SERPINA3: variants seen among roughly 807,000 people sequenced by gnomAD.
The protein encoded by SERPINA3 is alpha-1-antichymotrypsin.
A neutral mutation model predicts 26.8 loss-of-function variants in SERPINA3; 32 were observed. That is an observed-to-expected ratio of 1.20 (90% CI 0.90 to 1.61). SERPINA3 has a LOEUF of 1.61. Ranked by LOEUF, SERPINA3 falls within the 40% of genes most tolerant of loss-of-function variation. The pLI, the probability that SERPINA3 is intolerant of heterozygous loss-of-function variation, is 0.00. For missense variants in SERPINA3, 632 were observed against 517.9 expected (o/e 1.22, Z -2.14); for synonymous variants, 252 against 206.4 (o/e 1.22, Z -1.89).
chr14:94,622,983 G>T (rs1886262153), intron 4 of SERPINA3, among the ~76,000 whole-genome samples: 1 of 152,212 alleles, frequency 6.6e-6, no homozygotes, highest in Non-Finnish European at 1.5e-5. Flanking sequence ...GCCAAGGCAG[G>T]GTGGCCATGC....
rs770816070 is a variant in SERPINA3 at position 94,614,610 on chromosome 14, G to T, written c.169G>T (p.Ala57Ser). 2.5e-6 allele frequency: 4 copies of T among 1,614,094 alleles called. No individual in the cohort carries two copies. The highest frequency in any genetic ancestry group is 2.5e-6 in the Non-Finnish European group (3 of 1,180,024). Residue 57 changes from alanine (A) to serine (S), a missense_variant, in exon 2 of 5, where the codon GCT (alanine) becomes TCT (serine). Coordinates refer to ENST00000393078, the MANE Select transcript of SERPINA3 (RefSeq NM_001085.5). ...LGLASANVDFAFSLYKQLVLK... is the reference protein window; with the variant it reads ...LGLASANVDFSFSLYKQLVLK... Reference sequence around the variant, plus strand: ...ATTAGCCTCCGCCAACGTGGACTTCGCTTTCAGCCTGTACAAGCAGTTAGT... The same window carrying T: ...ATTAGCCTCCGCCAACGTGGACTTCTCTTTCAGCCTGTACAAGCAGTTAGT...
At chr14:94,623,516 T>A in intron 4 of SERPINA3, 95 bp from the exon 5 acceptor site, 1 of 1,126,348 alleles carries the variant, frequency 8.9e-7, no homozygotes, top group Non-Finnish European at 1.3e-6. Flanking sequence ...CACTAGGTGC[T>A]CAATGCACAT....
intron 2 of SERPINA3, among the ~76,000 whole-genome samples, chr14:94,616,351 C>T (rs1885997701): frequency 6.6e-6 from 1 of 152,170 alleles, no homozygotes; most frequent in African/African-American, 2.4e-5. Context: ...GGGCCCCTCC[C>T]CTTCCTCTGT....
Position 94,614,681 on chromosome 14 carries a change from C to T in SERPINA3, c.240C>T (p.Ile80=). 1 of 1,614,152 alleles carries T rather than the reference C, an allele frequency of 6.2e-7. No individual in the cohort carries two copies. The highest frequency in any genetic ancestry group is 8.5e-7 in the Non-Finnish European group (1 of 1,180,020). ...DKNVIFSPLS[I]STALAFLSLG... ...ATGTCATCTTCTCCCCACTGAGCAT[C>T]TCCACCGCCTTGGCCTTCCTGTCTC... The change falls in exon 2 of 5, where the codon ATC becomes ATT. Residue 80 remains isoleucine (I), a synonymous_variant. Coordinates refer to ENST00000393078, the MANE Select transcript of SERPINA3 (RefSeq NM_001085.5).
intron 1 of SERPINA3, 194 bp from the exon 2 acceptor site, chr14:94,614,240 G>C (rs1595093837): frequency 3.3e-6 from 2 of 611,084 alleles, no homozygotes; most frequent in East Asian, 5.5e-5. Context: ...AACAATTATG[G>C]TACCTACCTC....
chr14:94,613,117 G>A (rs769499362), intron 1 of SERPINA3, among the ~76,000 whole-genome samples: 35 of 152,278 alleles, frequency 2.3e-4, no homozygotes, highest in Non-Finnish European at 4.7e-4. Flanking sequence ...CAAACAAGGT[G>A]CCTCTGTCCC....
Position 94,614,670 on chromosome 14 carries a change from C to T in SERPINA3, c.229C>T (p.Pro77Ser). 1 of 1,614,094 alleles carries T rather than the reference C, an allele frequency of 6.2e-7. No individual in the cohort carries two copies. Among genetic ancestry groups the T allele is most frequent in the Non-Finnish European group, 8.5e-7 (1 of 1,180,016 alleles). The change falls in exon 2 of 5, where the codon CCA (proline) becomes TCA (serine). Residue 77 changes from proline (P) to serine (S), a missense_variant. Pro to Ser is a moderately conservative substitution (Grantham distance 74). Coordinates refer to ENST00000393078, the MANE Select transcript of SERPINA3 (RefSeq NM_001085.5). The part of the protein sequence containing the change: ...KAPDKNVIFS[P>S]LSISTALAFL... ...CCCTGATAAGAATGTCATCTTCTCC[C>T]CACTGAGCATCTCCACCGCCTTGGC...
intron 2 of SERPINA3, among the ~76,000 whole-genome samples, chr14:94,616,387 C>G (rs1414389697): frequency 6.6e-6 from 1 of 152,216 alleles, no homozygotes; most frequent in Non-Finnish European, 1.5e-5. Context: ...CTCCAGGTGC[C>G]AGTTTTGCTC....
intron 1 of SERPINA3, chr14:94,613,234 C>T (rs1000683967): frequency 2.7e-5 from 4 of 150,708 alleles, no homozygotes; most frequent in African/African-American, 7.3e-5. Context: ...ACTCTCTCTT[C>T]CCCTTTTCTT....
intron 4 of SERPINA3, 36 bp from the exon 5 acceptor site, chr14:94,623,573 CTG>C (rs1452014829): frequency 4.4e-6 from 7 of 1,598,124 alleles, no homozygotes; most frequent in Non-Finnish European, 6.0e-6. Context: ...TCCTGCGCAT[CTG>C]TGTTTCCCGT....
rs756769774 is a variant in SERPINA3, at chr14:94,622,477, C to A, written c.1054C>A (p.Leu352Ile). Residue 352 changes from leucine (L) to isoleucine (I), a missense_variant, in exon 4 of 5, where the codon CTA becomes ATA. Coordinates refer to ENST00000393078, the MANE Select transcript of SERPINA3 (RefSeq NM_001085.5). ...DLSGITGARN[L>I]AVSQVVHKAV... is the part of the protein sequence containing the mutation. ...GTCAGGGATCACAGGGGCCAGGAAC[C>A]TAGCAGTCTCCCAGGTGAGTCTTTA... 3 of 1,614,126 alleles carry A rather than the reference C, an allele frequency of 1.9e-6. No homozygotes were observed. The highest frequency in any genetic ancestry group is 2.2e-5 in the East Asian group (1 of 44,870).
At chr14:94,621,423 T>C (rs911870280) in intron 3 of SERPINA3, among the ~76,000 whole-genome samples, 11 of 151,722 alleles carry the variant, frequency 7.3e-5, no homozygotes, top group Admixed American at 5.9e-4. Flanking sequence ...AACACATGAA[T>C]GAATGAATAA....
chr14:94,614,597 C>T lies in SERPINA3; in HGVS notation c.156C>T (p.Ala52=). ...GTHVDLGLAS[A]NVDFAFSLYK... Reference sequence around the variant, plus strand: ...ACGTGGACCTCGGATTAGCCTCCGCCAACGTGGACTTCGCTTTCAGCCTGT... The same window carrying T: ...ACGTGGACCTCGGATTAGCCTCCGCTAACGTGGACTTCGCTTTCAGCCTGT... Residue 52 remains alanine, a synonymous_variant, in exon 2 of 5, where the codon GCC becomes GCT. Coordinates refer to ENST00000393078, the MANE Select transcript of SERPINA3 (RefSeq NM_001085.5). 1 of 1,614,154 alleles carries T rather than the reference C, an allele frequency of 6.2e-7. No individual in the cohort carries two copies. The highest frequency in any genetic ancestry group is 2.2e-5 in the East Asian group (1 of 44,870).
At chr14:94,615,533 G>A in intron 2 of SERPINA3, 1 of 440,600 alleles carries the variant, frequency 2.3e-6, no homozygotes, top group Non-Finnish European at 4.6e-6. Context: ...AGGGGCCTTG[G>A]TGTCTGGAGG....
intron 2 of SERPINA3, among the ~76,000 whole-genome samples, chr14:94,616,201 C>A (rs1339717250): frequency 6.6e-6 from 1 of 152,202 alleles, no homozygotes; most frequent in East Asian, 1.9e-4. Context: ...TTTCCCCTCC[C>A]CACCTGCCTC....
intron 4 of SERPINA3, 33 bp from the exon 5 acceptor site, chr14:94,623,578 T>C: frequency 5.0e-6 from 8 of 1,605,240 alleles, no homozygotes; most frequent in Non-Finnish European, 6.8e-6. Context: ...CGCATCTGTG[T>C]TTCCCGTGTG....
At chr14:94,622,128 T>C (rs1474610936) in intron 3 of SERPINA3, among the ~76,000 whole-genome samples, 1 of 152,210 alleles carries the variant, frequency 6.6e-6, no homozygotes, top group Non-Finnish European at 1.5e-5. Flanking sequence ...CTTGGTGTGC[T>C]GCCTGGAGAC....
intron 2 of SERPINA3, chr14:94,617,512 C>A (rs1595096333): frequency 6.6e-6 from 1 of 152,216 alleles, no homozygotes; most frequent in African/African-American, 2.4e-5. Flanking sequence ...TATTGAGCAG[C>A]TACTCTCACC....
chr14:94,619,468 G>C lies in SERPINA3; in HGVS notation c.917G>C (p.Arg306Thr), dbSNP rs780952047. 4.0e-5 allele frequency: 65 copies of C among 1,613,840 alleles called. No homozygotes were observed. The South Asian group carries it at 6.3e-4, about 16-fold the overall frequency. ...CGGTGGAGAGACTCTCTGGAGTTCA[G>C]GTGATTCTTCCTGGCCCCCAAAGAC... ...LKRWRDSLEF[R>T]EIGELYLPKF... Residue 306 changes from arginine to threonine, a missense_variant and splice_region_variant, in exon 3 of 5, where the codon AGA becomes ACA. Coordinates refer to ENST00000393078, the MANE Select transcript of SERPINA3 (RefSeq NM_001085.5).
Sources: allele counts gnomAD v4.1 joint callset (sites outside exome capture counted in the v4.1 genomes callset), GRCh38; gene constraint gnomAD v4.1.1; transcripts MANE v1.5; gene names NCBI Gene and HGNC (gene_info 2026-07-23, HGNC 2026-07-21).